Variants in NDST1 observed in about 807,000 individuals in gnomAD.
NDST1 encodes the protein bifunctional heparan sulfate N-deacetylase/N-sulfotransferase 1.
Under a neutral mutation model 92.8 loss-of-function variants are expected in NDST1, and 35 were observed. That is an observed-to-expected ratio of 0.38 (90% CI 0.29 to 0.50). NDST1 has a LOEUF of 0.50. Ranked by LOEUF, NDST1 falls within the 20% of genes least tolerant of loss-of-function variation. The probability of loss-of-function intolerance (pLI) is 0.94; values close to 1 mark genes in which losing one functional copy is unlikely to be tolerated. For synonymous variants in NDST1, 493 were observed against 500.3 expected, an observed-to-expected ratio of 0.99 and a Z score of 0.19; for missense variants, 822 against 1,182.7, an observed-to-expected ratio of 0.69 and a Z score of 4.47.
At chr5:150,538,083 A>G (rs990180631) in intron 6 of NDST1, among the ~76,000 whole-genome samples, 1 of 152,218 alleles carries the variant, frequency 6.6e-6, no homozygotes, top group African/African-American at 2.4e-5. Flanking sequence ...TTCCTGGAAT[A>G]AGCCACGCTG....
chr5:150,531,499 TC>T (rs1451465156), intron 3 of NDST1, among the ~76,000 whole-genome samples: 1 of 138,514 alleles, frequency 7.2e-6, no homozygotes, highest in East Asian at 2.1e-4. Flanking sequence ...TCTTTTTCTC[TC>T]TTTTTTTTTT....
At chr5:150,538,756 G>T (rs978292215) in intron 6 of NDST1, among the ~76,000 whole-genome samples, 26 of 152,178 alleles carry the variant, frequency 1.7e-4, no homozygotes, top group Admixed American at 1.7e-3. Context: ...TGAACTCCAG[G>T]GATGAGGTGG....
intron 1 of NDST1, among the ~76,000 whole-genome samples, chr5:150,519,480 G>A (rs1255717007): frequency 2.6e-5 from 4 of 152,156 alleles, no homozygotes; most frequent in Admixed American, 6.5e-5. Flanking sequence ...GGCCAAGGCC[G>A]GCGAATCACC....
At chr5:150,514,422 A>G (rs1180752256) in intron 1 of NDST1, among the ~76,000 whole-genome samples, 1 of 152,012 alleles carries the variant, frequency 6.6e-6, no homozygotes, top group Non-Finnish European at 1.5e-5. Flanking sequence ...TTAGCCGGGA[A>G]TGATGGTGGG....
At chr5:150,504,440 C>T (rs780419607), upstream of NDST1, among the ~76,000 whole-genome samples, 15 of 152,210 alleles carry the variant, frequency 9.9e-5, no homozygotes, top group South Asian at 4.1e-4. Context: ...TCTGCCTGGA[C>T]GTTTGTAACA....
chr5:150,533,469 G>A (rs1477801050), intron 4 of NDST1, among the ~76,000 whole-genome samples: 1 of 152,234 alleles, frequency 6.6e-6, no homozygotes, highest in Non-Finnish European at 1.5e-5. Context: ...TTATTTTAGA[G>A]TCCTAAGGGT....
chr5:150,519,904 G>A (rs1440547898), intron 1 of NDST1, among the ~76,000 whole-genome samples: 1 of 152,124 alleles, frequency 6.6e-6, no homozygotes, highest in Non-Finnish European at 1.5e-5. Context: ...AGGCGGTGCG[G>A]GGGGTTCAGG....
At chr5:150,500,701 GC>G (rs1753191730) in intron 1 of NDST1, among the ~76,000 whole-genome samples, 1 of 152,246 alleles carries the variant, frequency 6.6e-6, no homozygotes, top group Non-Finnish European at 1.5e-5. Context: ...GGCCTGGGTG[GC>G]CCAGTGACCT....
At chr5:150,543,689 T>G (rs1406462119) in intron 10 of NDST1, among the ~76,000 whole-genome samples, 1 of 152,262 alleles carries the variant, frequency 6.6e-6, no homozygotes, top group Non-Finnish European at 1.5e-5. Context: ...ACTGCAAAGT[T>G]TGCCTTTTTA....
rs770646949 is a variant in NDST1, at chr5:150,553,334, C to T, written c.*2C>T. 18 of 1,612,640 alleles carry T rather than the reference C, an allele frequency of 1.1e-5. No individual in the cohort carries two copies. The highest frequency in any genetic ancestry group is 2.2e-5 in the South Asian group (2 of 91,024). On this transcript the variant is annotated 3_prime_UTR_variant, in exon 15 of 15. Transcript: ENST00000261797. The surrounding 1 kb of genome is among the most constrained non-coding windows in gnomAD (Gnocchi z 4.2). Reference sequence around the variant, plus strand: ...GAGGACCTCCAGAACACCAGGTAGCCGTGGCCACCACAGCCAGACTGAACG... The same window carrying T: ...GAGGACCTCCAGAACACCAGGTAGCTGTGGCCACCACAGCCAGACTGAACG...
In NDST1 at chr5:150,555,715, C is replaced by T. The variant is rs1009210456; in HGVS notation, c.*2383C>T. Reference sequence around the variant, plus strand: ...CAGGTTCGGAAATCTACCCTCTAGGCCTGGAGGCCTCTCTCGCAGAGCATG... The same window carrying T: ...CAGGTTCGGAAATCTACCCTCTAGGTCTGGAGGCCTCTCTCGCAGAGCATG... On this transcript the variant is annotated 3_prime_UTR_variant, in exon 15 of 15. Transcript: ENST00000261797. 1 of 152,288 alleles carries T rather than the reference C, an allele frequency of 6.6e-6. No individual in the cohort carries two copies. The highest frequency in any genetic ancestry group is 1.5e-5 in the Non-Finnish European group (1 of 68,090). The allele number at this position is 152,288 out of a possible 1,614,324, so 9.4% of individuals were successfully genotyped here.
intron 11 of NDST1, among the ~76,000 whole-genome samples, chr5:150,545,973 T>C (rs1755460785): frequency 6.7e-6 from 1 of 149,594 alleles, no homozygotes; most frequent in African/African-American, 2.5e-5. Flanking sequence ...ATCTGGGGCA[T>C]GTATGAACCA....
Position 150,545,454 on chromosome 5 carries a change from A to G in NDST1, c.2113A>G (p.Asn705Asp). The G allele has an allele frequency of 6.2e-7, 1 of 1,614,182 alleles. No individual in the cohort carries two copies. Among genetic ancestry groups the G allele is most frequent in the Non-Finnish European group, 8.5e-7 (1 of 1,180,036 alleles). Residue 705 changes from asparagine (N) to aspartate (D), a missense_variant, in exon 11 of 15, where the codon AAC becomes GAC. Coordinates refer to ENST00000261797, the MANE Select transcript of NDST1 (RefSeq NM_001543.5). ...PKAKVLTILI[N>D]PADRAYSWYQ... ...AGCCAAGGTCCTGACCATCCTCATC[A>G]ACCCCGCGGACCGGGCCTATTCCTG... is the stretch of plus-strand genomic sequence containing the variant.
rs746264670 is a variant in NDST1 at position 150,527,858 on chromosome 5, C to T, written c.568C>T (p.His190Tyr). 3.3e-5 allele frequency: 53 copies of T among 1,614,054 alleles called. No homozygotes were observed. The highest frequency in any genetic ancestry group is 4.3e-5 in the Non-Finnish European group (51 of 1,180,032). The change falls in exon 3 of 15, where the codon CAC becomes TAC. Residue 190 changes from histidine (H) to tyrosine (Y), a missense_variant. Coordinates refer to ENST00000261797, the MANE Select transcript of NDST1 (RefSeq NM_001543.5). Reference sequence around the variant, plus strand: ...GCTCAAGGGCTTCCCCCTGTTCCTGCACTCAAACCTGGGCCTGAAGGACTG... The same window carrying T: ...GCTCAAGGGCTTCCCCCTGTTCCTGTACTCAAACCTGGGCCTGAAGGACTG... ...AQLKGFPLFL[H>Y]SNLGLKDCSI... is the part of the protein sequence containing the mutation.
chr5:150,523,870 C>T (rs1026132960), intron 2 of NDST1, among the ~76,000 whole-genome samples: 1 of 152,156 alleles, frequency 6.6e-6, no homozygotes, highest in African/African-American at 2.4e-5. Context: ...CTCTTCCTAC[C>T]CTGTTGCCTA....
intron 1 of NDST1, among the ~76,000 whole-genome samples, chr5:150,514,708 A>T (rs546749796): frequency 3.0e-4 from 46 of 152,212 alleles, no homozygotes; most frequent in Non-Finnish European, 6.2e-4. Context: ...ACCAAACTCA[A>T]AGTCAGGAAG....
chr5:150,504,344 G>A (rs1581332632), upstream of NDST1, among the ~76,000 whole-genome samples: 1 of 152,102 alleles, frequency 6.6e-6, no homozygotes, highest in East Asian at 1.9e-4. Flanking sequence ...AGAGAGCAAG[G>A]CACTTGACCA....
chr5:150,535,089 G>A, intron 5 of NDST1, 68 bp downstream of exon 5: 2 of 1,557,030 alleles, frequency 1.3e-6, no homozygotes, highest in Non-Finnish European at 1.7e-6. Flanking sequence ...CAGACTGCTG[G>A]CCTCTTGCTG....
At chr5:150,520,465 C>G (rs1316249631) in intron 1 of NDST1, among the ~76,000 whole-genome samples, 3 of 152,148 alleles carry the variant, frequency 2.0e-5, no homozygotes, top group Non-Finnish European at 4.4e-5. Context: ...ATTTAGAATT[C>G]TACCTCTAGT....
Sources: allele counts gnomAD v4.1 joint callset (sites outside exome capture counted in the v4.1 genomes callset), GRCh38; gene constraint gnomAD v4.1.1; non-coding constraint Gnocchi (gnomAD v3.1); transcripts MANE v1.5; gene names NCBI Gene and HGNC (gene_info 2026-07-23, HGNC 2026-07-21).